Variants in SLC2A13 observed in about 807,000 individuals in gnomAD.
SLC2A13 encodes solute carrier family 2 member 13.
Under a neutral mutation model 64.4 loss-of-function variants are expected in SLC2A13, and 32 were observed. The ratio of observed to expected loss-of-function variants is 0.50; its 90% CI spans 0.37 to 0.67. The LOEUF (loss-of-function observed/expected upper bound fraction) is 0.67, where lower values mean the gene tolerates loss of function less well. Among genes scored for constraint, SLC2A13 ranks in the 30% least tolerant of loss-of-function variants. SLC2A13 has a pLI of 0.00. For synonymous variants in SLC2A13, 338 were observed against 327.1 expected (o/e 1.03, Z -0.36); for missense variants, 743 against 829.2 (o/e 0.90, Z 1.28).
At position 39,759,747 on chromosome 12, in the gene SLC2A13, A is replaced by T. The variant is rs1940067045; in HGVS notation, c.*279T>A. ...AAGGATACCACTGAAGTCACTGGGT[A>T]CAATATTCATTTTAGACTATTTCAG... On this transcript the variant is annotated 3_prime_UTR_variant, in exon 10 of 10. Transcript: ENST00000280871. 5.6e-6 allele frequency: 2 copies of T among 356,536 alleles called. No individual in the cohort carries two copies. Among genetic ancestry groups the T allele is most frequent in the Non-Finnish European group, 5.1e-6 (1 of 195,330 alleles). The allele number at this position is 356,536 out of a possible 1,614,324, so 22.1% of individuals were successfully genotyped here. A position where few individuals can be genotyped will look rare whatever the true frequency, so the allele number is the denominator to read the frequency against.
chr12:39,954,170 T>C (rs182188985), intron 3 of SLC2A13, among the ~76,000 whole-genome samples: 1 of 152,232 alleles, frequency 6.6e-6, no homozygotes, highest in East Asian at 1.9e-4. Flanking sequence ...GGGAAACAAA[T>C]GAGGCGAACC....
In SLC2A13 at chr12:39,804,966, T is replaced by G. The variant is rs184832641; in HGVS notation, c.1445+25137A>C. Among the ~76,000 whole-genome samples the G allele has an allele frequency of 7.2e-3, 1,087 of 151,782 alleles. 20 individuals carry two copies. The highest frequency in any genetic ancestry group is 0.025 in the African/African-American group (1,024 of 41,316). On this transcript the variant is annotated intron_variant, in intron 7 of 9. Transcript: ENST00000280871. ...GCAGATACCTGAAGACTTTGGCACTTGCTTGGAAAGTGCCACAGTCTGAGG... is the reference window on the plus strand; with the variant it reads ...GCAGATACCTGAAGACTTTGGCACTGGCTTGGAAAGTGCCACAGTCTGAGG...
intron 9 of SLC2A13, among the ~76,000 whole-genome samples, chr12:39,763,403 C>G (rs1940234813): frequency 6.6e-6 from 1 of 152,166 alleles, no homozygotes; most frequent in East Asian, 1.9e-4. Flanking sequence ...ATCATATTCA[C>G]CATTCATCTG....
At chr12:39,896,927 G>A (rs1031778119) in intron 4 of SLC2A13, among the ~76,000 whole-genome samples, 1 of 152,102 alleles carries the variant, frequency 6.6e-6, no homozygotes, top group African/African-American at 2.4e-5. Context: ...ACTTCCCAGA[G>A]AATGAAGTAG....
chr12:39,866,016 C>T (rs1943900957), intron 5 of SLC2A13, among the ~76,000 whole-genome samples: 1 of 152,064 alleles, frequency 6.6e-6, no homozygotes, highest in South Asian at 2.1e-4. Flanking sequence ...ACATGTACCC[C>T]TGAAATTAAA....
At chr12:40,007,819 T>A (rs891909731) in intron 3 of SLC2A13, among the ~76,000 whole-genome samples, 1 of 152,132 alleles carries the variant, frequency 6.6e-6, no homozygotes, top group Admixed American at 6.5e-5. Flanking sequence ...AGCCATTAAA[T>A]ATGAGTGGTA....
At chr12:39,761,405 C>CCAA (rs1940141735) in intron 9 of SLC2A13, among the ~76,000 whole-genome samples, 1 of 151,830 alleles carries the variant, frequency 6.6e-6, no homozygotes, top group African/African-American at 2.4e-5. Flanking sequence ...CTAGCTTTGC[C>CCAA]CAACTGTAAA....
At chr12:39,929,858 T>G (rs1945793923) in intron 4 of SLC2A13, among the ~76,000 whole-genome samples, 1 of 152,056 alleles carries the variant, frequency 6.6e-6, no homozygotes, top group Non-Finnish European at 1.5e-5. Context: ...GGGCTGGGTG[T>G]GGTGGCTCAC....
At chr12:40,064,697 A>G (rs1937656718) in intron 1 of SLC2A13, among the ~76,000 whole-genome samples, 1 of 152,152 alleles carries the variant, frequency 6.6e-6, no homozygotes, top group Middle Eastern at 3.2e-3. Flanking sequence ...ATTTCATCAA[A>G]ATTGTTACTG....
intron 6 of SLC2A13, among the ~76,000 whole-genome samples, chr12:39,832,177 A>G (rs1942871247): frequency 6.6e-6 from 1 of 152,160 alleles, no homozygotes; most frequent in Admixed American, 6.6e-5. Flanking sequence ...TAAACTAGAC[A>G]ACTGAAGGCT....
chr12:40,044,929 A>G (rs1948148945), intron 2 of SLC2A13, among the ~76,000 whole-genome samples: 1 of 152,208 alleles, frequency 6.6e-6, no homozygotes, highest in African/African-American at 2.4e-5. Flanking sequence ...TTTGAATAAG[A>G]AGATTTGAAT....
chr12:39,870,908 AAACAGTTCTATT>A (rs1314737947), intron 5 of SLC2A13, among the ~76,000 whole-genome samples: 8 of 152,192 alleles, frequency 5.3e-5, no homozygotes, highest in African/African-American at 1.7e-4. Context: ...TGAGTGACTG[AAACAGTTCTATT>A]AGATCAATGT....
At chr12:40,012,723 A>G (rs958123899) in intron 3 of SLC2A13, among the ~76,000 whole-genome samples, 1 of 152,190 alleles carries the variant, frequency 6.6e-6, no homozygotes, top group Admixed American at 6.5e-5. Flanking sequence ...CACAGATAAC[A>G]CTGCTTCCAA....
In SLC2A13 at chr12:39,899,213, G is replaced by A. The variant is rs1228700365; in HGVS notation, c.1035-27252C>T. Among the ~76,000 whole-genome samples the A allele has an allele frequency of 2.0e-5, 3 of 152,116 alleles. No individual in the cohort carries two copies. The East Asian group carries it at 5.8e-4, about 29-fold the overall frequency. ...CTTCTTCCTGGTTTAGTCTTGGGAG[G>A]GTGTATGTGTCGAGGAATTTATCCA... On this transcript the variant is annotated intron_variant, in intron 4 of 9. Transcript: ENST00000280871.
intron 3 of SLC2A13, among the ~76,000 whole-genome samples, chr12:40,003,362 C>T (rs35304781): frequency 1.6e-4 from 25 of 152,092 alleles, no homozygotes; most frequent in South Asian, 4.2e-4. Context: ...AAAATTATAA[C>T]GATTATCTCC....
Position 39,871,946 on chromosome 12 carries a change from G to C in SLC2A13, c.1050C>G (p.Thr350=), listed in dbSNP as rs138677926. Residue 350 remains threonine (T), a synonymous_variant, in exon 5 of 10, where the codon ACC becomes ACG. Coordinates refer to ENST00000280871, the MANE Select transcript of SLC2A13 (RefSeq NM_052885.4). ...GINTIMYYSA[T]ILQMSGVEDD... is the part of the protein sequence containing the mutation. The stretch of plus-strand genomic sequence containing the variant: ...CTTCAACACCAGACATCTGCAGAAT[G>C]GTTGCACTGTAGTACCTGCAAAGCA... 1 of 1,605,518 alleles carries C rather than the reference G, an allele frequency of 6.2e-7. No individual in the cohort carries two copies. Among genetic ancestry groups the C allele is most frequent in the Non-Finnish European group, 8.5e-7 (1 of 1,176,302 alleles).
At chr12:39,966,066 A>C (rs1316134933) in intron 3 of SLC2A13, among the ~76,000 whole-genome samples, 2 of 151,536 alleles carry the variant, frequency 1.3e-5, no homozygotes, top group Non-Finnish European at 2.9e-5. Flanking sequence ...TATATATATG[A>C]TACACACACA....
chr12:39,778,892 G>C (rs1049901762), intron 7 of SLC2A13, among the ~76,000 whole-genome samples: 33 of 152,178 alleles, frequency 2.2e-4, no homozygotes, highest in African/African-American at 7.7e-4. Flanking sequence ...GGAAAACTCT[G>C]TTTCTATCAG....
intron 1 of SLC2A13, chr12:40,068,604 G>A (rs1020651711): frequency 4.2e-4 from 70 of 165,680 alleles, no homozygotes; most frequent in African/African-American, 1.6e-3. Context: ...CCTGGCTTAG[G>A]TGCCAGATGG....
Sources: allele counts gnomAD v4.1 joint callset (sites outside exome capture counted in the v4.1 genomes callset), GRCh38; gene constraint gnomAD v4.1.1; transcripts MANE v1.5; gene names NCBI Gene and HGNC (gene_info 2026-07-23, HGNC 2026-07-21).